Variants in RNF17 observed in about 807,000 individuals in gnomAD.
The protein encoded by RNF17 is ring finger protein 17, also known as spermatogenesis associated 23.
RNF17 carries 31 observed loss-of-function variants against 200.5 expected under a neutral mutation model. The observed-to-expected ratio is 0.15, with a 90% confidence interval of 0.12 to 0.21. The LOEUF is 0.21. Among genes scored for constraint, RNF17 ranks in the 10% least tolerant of loss-of-function variants. RNF17 has a pLI of 1.00. For synonymous variants in RNF17, 606 were observed against 637.8 expected, an observed-to-expected ratio of 0.95 and a Z score of 0.75; for missense variants, 1,628 against 1,905.1, an observed-to-expected ratio of 0.85 and a Z score of 2.71.
downstream of RNF17, among the ~76,000 whole-genome samples, chr13:24,880,185 C>T (rs116717089): frequency 0.12 from 18,581 of 152,050 alleles, 1,591 homozygotes; most frequent in East Asian, 0.39. Context: ...CTCAGGAAAC[C>T]TACAAACATG....
chr13:24,834,037 T>C (rs1889698714), intron 18 of RNF17, among the ~76,000 whole-genome samples: 1 of 152,172 alleles, frequency 6.6e-6, no homozygotes, highest in Non-Finnish European at 1.5e-5. Flanking sequence ...CAGTGTTGCT[T>C]AGCCTTTTGT....
chr13:24,820,011 A>G (rs960365428), intron 15 of RNF17, among the ~76,000 whole-genome samples: 1 of 152,022 alleles, frequency 6.6e-6, no homozygotes, highest in Non-Finnish European at 1.5e-5. Context: ...TGCCAAATGT[A>G]TAATTTTCAG....
Position 24,844,760 on chromosome 13 carries a change from A to G in RNF17, c.2940A>G (p.Arg980=). The G allele has an allele frequency of 2.5e-6, 4 of 1,613,986 alleles. No individual in the cohort carries two copies. Among genetic ancestry groups the G allele is most frequent in the Non-Finnish European group, 3.4e-6 (4 of 1,179,884 alleles). ...AGATCCAAGATAAAAATCAGTGGCG[A>G]AGAGGCCAGATCATCAGAATGGTTA... ...AVKIQDKNQW[R]RGQIIRMVTD... is the part of the protein sequence containing the mutation. The change falls in exon 21 of 36, where the codon CGA becomes CGG. Residue 980 remains arginine (R), a synonymous_variant. Transcript: ENST00000255324.
the RNF17 span, chr13:24,886,302 T>TACG: frequency 7.8e-7 from 1 of 1,289,068 alleles, no homozygotes; most frequent in African/African-American, 1.5e-5. Flanking sequence ...AGCTGGATGT[T>TACG]ACGGGAGAAT....
At chr13:24,850,198 G>A (rs1046504115) in intron 22 of RNF17, 143 bp from the exon 23 acceptor site, 8 of 451,572 alleles carry the variant, frequency 1.8e-5, no homozygotes, top group Admixed American at 3.9e-5. Flanking sequence ...AAAATAATAC[G>A]AATCCATGTT....
At chr13:24,829,898 T>G (rs1266977404) in intron 16 of RNF17, among the ~76,000 whole-genome samples, 3 of 152,192 alleles carry the variant, frequency 2.0e-5, no homozygotes, top group Non-Finnish European at 4.4e-5. Flanking sequence ...ACAGATACTG[T>G]TATATGAATG....
intron 10 of RNF17, chr13:24,794,192 T>C (rs1432828529): frequency 2.2e-6 from 1 of 456,456 alleles, no homozygotes; most frequent in Non-Finnish European, 4.4e-6. Flanking sequence ...CACCTAGATA[T>C]CCAAAAAAGC....
At position 24,851,576 on chromosome 13, in the gene RNF17, A is replaced by G. The variant is rs1380622488; in HGVS notation, c.3320+5A>G. On this transcript the variant is annotated splice_donor_5th_base_variant and intron_variant, in intron 24 of 35. Transcript: ENST00000255324. ...TTTGGCTTTGAGAGAAAGGAGGTATAGACTTTTTTAAAAAATTTTGACATC... is the reference window on the plus strand; with the variant it reads ...TTTGGCTTTGAGAGAAAGGAGGTATGGACTTTTTTAAAAAATTTTGACATC... 1 of 1,584,514 alleles carries G rather than the reference A, an allele frequency of 6.3e-7. No homozygotes were observed. The highest frequency in any genetic ancestry group is 8.6e-7 in the Non-Finnish European group (1 of 1,164,400).
intron 25 of RNF17, among the ~76,000 whole-genome samples, chr13:24,856,167 T>C (rs577706992): frequency 2.4e-4 from 37 of 152,246 alleles, no homozygotes; most frequent in African/African-American, 8.7e-4. Flanking sequence ...ATGCCTGTAA[T>C]CCCAGCACTT....
chr13:24,867,436 A>G (rs1464542402), intron 30 of RNF17, among the ~76,000 whole-genome samples: 1 of 152,218 alleles, frequency 6.6e-6, no homozygotes, highest in Non-Finnish European at 1.5e-5. Flanking sequence ...TGGTGTAGGA[A>G]GAGTTTTAGT....
the RNF17 span, among the ~76,000 whole-genome samples, chr13:24,756,050 T>C: frequency 9.5e-4 from 145 of 152,312 alleles, 1 homozygote; most frequent in East Asian, 0.025. Context: ...TTAGTCATTT[T>C]CTGTATATTG....
At chr13:24,762,703 G>A (rs1299606863), upstream of RNF17, among the ~76,000 whole-genome samples, 1 of 152,176 alleles carries the variant, frequency 6.6e-6, no homozygotes, top group African/African-American at 2.4e-5. Context: ...AAAAGAAAAT[G>A]AGGAATATGG....
At chr13:24,858,398 C>T (rs1892747192) in intron 25 of RNF17, among the ~76,000 whole-genome samples, 1 of 152,008 alleles carries the variant, frequency 6.6e-6, no homozygotes, top group Admixed American at 6.6e-5. Context: ...CTTGATGATA[C>T]TGACAGGTAC....
chr13:24,791,811 GTTAAC>G (rs1883894508), intron 9 of RNF17, among the ~76,000 whole-genome samples: 2 of 152,158 alleles, frequency 1.3e-5, no homozygotes, highest in Non-Finnish European at 2.9e-5. Context: ...ATGCCAGTTT[GTTAAC>G]TTAATGGATA....
chr13:24,857,609 A>G (rs1340511720), intron 25 of RNF17, among the ~76,000 whole-genome samples: 1 of 152,232 alleles, frequency 6.6e-6, no homozygotes, highest in African/African-American at 2.4e-5. Flanking sequence ...TCTCTATGAA[A>G]AAAGAATACA....
At chr13:24,845,123 T>A in intron 22 of RNF17, 44 bp downstream of exon 22, 1 of 967,712 alleles carries the variant, frequency 1.0e-6, no homozygotes, top group Non-Finnish European at 1.6e-6. Context: ...TAAATATTTT[T>A]AAATGCGTTC....
At chr13:24,780,706 A>G (rs1040359866) in intron 5 of RNF17, among the ~76,000 whole-genome samples, 27 of 152,094 alleles carry the variant, frequency 1.8e-4, no homozygotes, top group Admixed American at 7.9e-4. Context: ...ACATGGCTAA[A>G]CCCCATCTCT....
rs1953746953 is a variant in RNF17, at chr13:24,879,837, C to A, written c.*111C>A. 6.6e-6 allele frequency: 1 copy of A among 152,152 alleles called. No homozygotes were observed. The highest frequency in any genetic ancestry group is 1.5e-5 in the Non-Finnish European group (1 of 68,040). The allele number at this position is 152,152 out of a possible 1,614,324, so 9.4% of individuals were successfully genotyped here. A position where few individuals can be genotyped will look rare whatever the true frequency, so the allele number is the denominator to read the frequency against. On this transcript the variant is annotated 3_prime_UTR_variant, in exon 36 of 36. Coordinates refer to ENST00000255324, the MANE Select transcript of RNF17 (RefSeq NM_031277.3). ...TCAGGCTTAATTTTCCTAACTTGTTCAGCACTAGTGCTTTACCTCTCATTT... is the reference window on the plus strand; with the variant it reads ...TCAGGCTTAATTTTCCTAACTTGTTAAGCACTAGTGCTTTACCTCTCATTT...
intron 5 of RNF17, among the ~76,000 whole-genome samples, 186 bp from the exon 6 acceptor site, chr13:24,781,658 G>A (rs1298696382): frequency 6.6e-6 from 1 of 151,970 alleles, no homozygotes; most frequent in South Asian, 2.1e-4. Context: ...AAAAAGATAT[G>A]GTCTTGCTCA....
Sources: gnomAD v4.1 joint callset for allele counts (sites outside exome capture counted in the v4.1 genomes callset) on GRCh38, gnomAD v4.1.1 for gene constraint, MANE v1.5 for transcripts, NCBI Gene and HGNC (gene_info 2026-07-23, HGNC 2026-07-21) for gene names.